The following FRYL variants were observed in gnomAD, a reference collection of about 807,000 sequenced individuals.
FRYL encodes the protein FRY like transcription coactivator.
FRYL carries 150 observed loss-of-function variants against 351.2 expected under a neutral mutation model. That is an observed-to-expected ratio of 0.43 (90% CI 0.37 to 0.49). FRYL has a LOEUF of 0.49. Among genes scored for constraint, FRYL ranks in the 20% least tolerant of loss-of-function variants. FRYL has a pLI of 0.00. For synonymous variants in FRYL, 1,153 were observed against 1,257.1 expected, an observed-to-expected ratio of 0.92 and a Z score of 1.75; for missense variants, 3,036 against 3,619.3, an observed-to-expected ratio of 0.84 and a Z score of 4.13.
At chr4:48,593,684 G>A (rs555243262) in intron 16 of FRYL, among the ~76,000 whole-genome samples, 10 of 152,074 alleles carry the variant, frequency 6.6e-5, no homozygotes, top group South Asian at 4.2e-4. Context: ...TTTCTACCAC[G>A]CTTAAACACC....
chr4:48,574,579 A>T (rs1408234743), intron 25 of FRYL: 8 of 152,244 alleles, frequency 5.3e-5, no homozygotes, highest in Admixed American at 3.3e-4. Context: ...ATCAGATACC[A>T]TTCTCATATT....
intron 63 of FRYL, 123 bp downstream of exon 63, chr4:48,499,907 A>G (rs555506633): frequency 2.2e-5 from 18 of 813,528 alleles, no homozygotes; most frequent in Non-Finnish European, 3.4e-5. Context: ...ACTGTTAAAA[A>G]TACTCATGTT....
At position 48,653,807 on chromosome 4, in the gene FRYL, A is replaced by AAGCAGC. The variant is rs67820516; in HGVS notation, c.-80-19323_-80-19318dup. The AAGCAGC allele has an allele frequency of 1.1e-4, 144 of 1,274,978 alleles. No homozygotes were observed. In the South Asian group the frequency reaches 1.2e-3, roughly 11 times the overall value. The allele number at this position is 1,274,978 out of a possible 1,614,324, so 79.0% of individuals were successfully genotyped here. ...AACATAGTGTCTCAATCAGCTGCAAAAGCAGCAGCAGCAGCAGCAGCAGCA... is the reference window on the plus strand; with the variant it reads ...AACATAGTGTCTCAATCAGCTGCAAAAGCAGCAGCAGCAGCAGCAGCAGCAGCAGCA... On this transcript the variant is annotated intron_variant, in intron 3 of 63. Transcript: ENST00000358350.
At chr4:48,590,926 G>T in intron 16 of FRYL, 96 bp from the exon 17 acceptor site, 1 of 889,214 alleles carries the variant, frequency 1.1e-6, no homozygotes, top group Non-Finnish European at 1.7e-6. Flanking sequence ...AGAGTTGGGG[G>T]GTGGAAGGAA....
intron 1 of FRYL, among the ~76,000 whole-genome samples, chr4:48,756,332 T>C (rs6846797): frequency 0.99 from 150,443 of 152,220 alleles, 74,363 homozygotes; most frequent in South Asian, 1. Flanking sequence ...AACCAATTTC[T>C]GTAATTCCTT....
intron 3 of FRYL, among the ~76,000 whole-genome samples, chr4:48,675,877 A>G (rs1366163161): frequency 6.6e-6 from 1 of 152,164 alleles, no homozygotes; most frequent in Non-Finnish European, 1.5e-5. Context: ...AGCACTCTGT[A>G]TATAGCTCAA....
intron 1 of FRYL, among the ~76,000 whole-genome samples, chr4:48,711,460 T>C (rs1215301562): frequency 6.6e-6 from 1 of 152,258 alleles, no homozygotes; most frequent in African/African-American, 2.4e-5. Flanking sequence ...TCTCACTGAT[T>C]GCTAGCACAG....
At chr4:48,769,480 A>C (rs1391974761) in intron 1 of FRYL, among the ~76,000 whole-genome samples, 1 of 152,240 alleles carries the variant, frequency 6.6e-6, no homozygotes, top group Non-Finnish European at 1.5e-5. Flanking sequence ...GGAACTTTCC[A>C]TATATTGCTG....
chr4:48,572,916 C>A (rs772536356), intron 26 of FRYL, among the ~76,000 whole-genome samples: 1 of 152,094 alleles, frequency 6.6e-6, no homozygotes, highest in Non-Finnish European at 1.5e-5. Context: ...CCTGTAAAGC[C>A]GAAAATATTT....
intron 49 of FRYL, 136 bp downstream of exon 49, chr4:48,534,409 C>T (rs1728433898): frequency 4.4e-6 from 3 of 681,342 alleles, no homozygotes; most frequent in Non-Finnish European, 7.4e-6. Context: ...ATTTTCCATA[C>T]TGCAAATATC....
At chr4:48,544,232 T>C (rs1219086185) in intron 43 of FRYL, among the ~76,000 whole-genome samples, 1 of 152,154 alleles carries the variant, frequency 6.6e-6, no homozygotes, top group Non-Finnish European at 1.5e-5. Context: ...ACTGACCTTA[T>C]AAGCCAGAAA....
At chr4:48,568,833 A>G (rs904535299) in intron 27 of FRYL, among the ~76,000 whole-genome samples, 8 of 152,202 alleles carry the variant, frequency 5.3e-5, no homozygotes, top group African/African-American at 1.7e-4. Flanking sequence ...AGTGGACTAC[A>G]ACCTGTACCA....
intron 23 of FRYL, among the ~76,000 whole-genome samples, chr4:48,578,096 TA>T (rs1195994354): frequency 8.1e-4 from 115 of 141,724 alleles, no homozygotes; most frequent in Non-Finnish European, 9.2e-4. Flanking sequence ...ATGCAAAAAT[TA>T]AAAAAAAAAA....
At chr4:48,575,354 T>C in intron 24 of FRYL, 113 bp from the exon 25 acceptor site, 2 of 1,102,546 alleles carry the variant, frequency 1.8e-6, no homozygotes, top group Non-Finnish European at 2.6e-6. Context: ...GAAACTTTAC[T>C]ATGAATGATA....
intron 3 of FRYL, among the ~76,000 whole-genome samples, chr4:48,676,547 A>ATT (rs60426434): frequency 0.029 from 3,984 of 136,046 alleles, 70 homozygotes; most frequent in Admixed American, 0.046. Flanking sequence ...AGGCCCGGCT[A>ATT]TTTTTTTTTT....
chr4:48,555,931 G>C (rs1407417448), intron 35 of FRYL, among the ~76,000 whole-genome samples: 1 of 152,090 alleles, frequency 6.6e-6, no homozygotes, highest in African/African-American at 2.4e-5. Context: ...GTCTCACTCT[G>C]CTGCCCAGGC....
intron 26 of FRYL, 51 bp from the exon 27 acceptor site, chr4:48,570,969 G>T: frequency 7.0e-7 from 1 of 1,429,482 alleles, no homozygotes; most frequent in Non-Finnish European, 9.8e-7. Flanking sequence ...GTGTAACTTG[G>T]AAAGAATAAT....
At chr4:48,667,405 C>G (rs1048247359) in intron 3 of FRYL, among the ~76,000 whole-genome samples, 2 of 151,480 alleles carry the variant, frequency 1.3e-5, no homozygotes, top group African/African-American at 4.8e-5. Flanking sequence ...CAAAAACAGT[C>G]ACACAGAATC....
intron 53 of FRYL, among the ~76,000 whole-genome samples, chr4:48,525,690 C>T (rs369470491): frequency 6.0e-5 from 9 of 150,160 alleles, no homozygotes; most frequent in East Asian, 5.9e-4. Flanking sequence ...TATATGTATA[C>T]GAGAGCTGAT....
Sources: gnomAD v4.1 joint callset for allele counts (sites outside exome capture counted in the v4.1 genomes callset) on GRCh38, gnomAD v4.1.1 for gene constraint, MANE v1.5 for transcripts, NCBI Gene and HGNC (gene_info 2026-07-23, HGNC 2026-07-21) for gene names.